Variants in AAAS observed in about 807,000 individuals in gnomAD.
The protein encoded by AAAS is aladin WD repeat nucleoporin.
A neutral mutation model predicts 75.6 loss-of-function variants in AAAS; 60 were observed. The observed-to-expected ratio is 0.79, with a 90% confidence interval of 0.64 to 0.98. The LOEUF is 0.98. Ranked by LOEUF, AAAS falls within the 50% of genes least tolerant of loss-of-function variation. The pLI is 0.00. For synonymous variants in AAAS, 271 were observed against 265.0 expected, an observed-to-expected ratio of 1.02 and a Z score of -0.22; for missense variants, 658 against 686.9, an observed-to-expected ratio of 0.96 and a Z score of 0.47.
intron 4 of AAAS, 42 bp from the exon 5 acceptor site, chr12:53,315,182 G>A (rs368641721): frequency 4.3e-6 from 7 of 1,611,756 alleles, no homozygotes. Context: ...GGGGCAAAAG[G>A]AGTCCATCTC....
chr12:53,316,897 T>C (rs1241266513), intron 2 of AAAS, among the ~76,000 whole-genome samples: 2 of 141,222 alleles, frequency 1.4e-5, no homozygotes, highest in Admixed American at 1.4e-4. Flanking sequence ...CTAGGCAACA[T>C]AGGGAAATGC....
intron 7 of AAAS, among the ~76,000 whole-genome samples, chr12:53,312,065 C>T (rs577947387): frequency 1.3e-5 from 2 of 152,206 alleles, no homozygotes; most frequent in East Asian, 3.9e-4. Flanking sequence ...TGGTGGCTCA[C>T]GCCTGTAATC....
chr12:53,308,010 G>T, intron 14 of AAAS, 42 bp downstream of exon 14: 1 of 1,613,112 alleles, frequency 6.2e-7, no homozygotes, highest in Non-Finnish European at 8.5e-7. Context: ...GTGCAGGAAG[G>T]CTGGTGAGAA....
chr12:53,307,814 C>G (rs1168900356), intron 15 of AAAS, 31 bp downstream of exon 15: 2 of 1,613,670 alleles, frequency 1.2e-6, no homozygotes, highest in South Asian at 1.1e-5. Flanking sequence ...CCATCCAACT[C>G]CTGGAAGCCC....
intron 2 of AAAS, among the ~76,000 whole-genome samples, chr12:53,317,639 G>A (rs1176589978): frequency 6.6e-6 from 1 of 152,004 alleles, no homozygotes; most frequent in African/African-American, 2.4e-5. Flanking sequence ...GCTACTCAGA[G>A]GCTGAGGCAG....
In AAAS at chr12:53,308,533, G is replaced by A. The variant is rs776450931; in HGVS notation, c.1088-5C>T. Reference sequence around the variant, plus strand: ...CAACGCACCCCTTTCCCTCACCTGTGGACAAATAAGAGCAGAGAGGTTCTT... The same window carrying A: ...CAACGCACCCCTTTCCCTCACCTGTAGACAAATAAGAGCAGAGAGGTTCTT... On this transcript the variant is annotated splice_region_variant and splice_polypyrimidine_tract_variant and intron_variant, in intron 11 of 15. Transcript: ENST00000209873. 12 of 1,614,052 alleles carry A rather than the reference G, an allele frequency of 7.4e-6. No individual in the cohort carries two copies. The highest frequency in any genetic ancestry group is 8.5e-6 in the Non-Finnish European group (10 of 1,180,028).
chr12:53,307,812 C>T (rs1270224288), intron 15 of AAAS, 33 bp downstream of exon 15: 27 of 1,613,628 alleles, frequency 1.7e-5, no homozygotes, highest in Non-Finnish European at 2.3e-5. Flanking sequence ...CTCCATCCAA[C>T]TCCTGGAAGC....
At chr12:53,318,231 TGTGTGTGTGTGTGC>T (rs1212835940) in intron 2 of AAAS, among the ~76,000 whole-genome samples, 20 of 129,938 alleles carry the variant, frequency 1.5e-4, no homozygotes, top group East Asian at 4.5e-4. Flanking sequence ...TCAGTGTGTG[TGTGTGTGTGTGTGC>T]GTGTGTGTGT....
chr12:53,321,298 T>TC, intron 1 of AAAS, 45 bp downstream of exon 1: 1 of 1,599,704 alleles, frequency 6.3e-7, no homozygotes, highest in Non-Finnish European at 8.5e-7. Context: ...AGTCCCCGAC[T>TC]CCGCCCCCAT....
At chr12:53,309,763 G>A (rs1454774696) in intron 7 of AAAS, 42 bp from the exon 8 acceptor site, 1 of 1,605,622 alleles carries the variant, frequency 6.2e-7, no homozygotes, top group Non-Finnish European at 8.5e-7. Flanking sequence ...AAGATGACAA[G>A]AAGCCATCCC....
chr12:53,311,785 G>A (rs1161206644), intron 7 of AAAS, among the ~76,000 whole-genome samples: 2 of 152,058 alleles, frequency 1.3e-5, no homozygotes, highest in Admixed American at 1.3e-4. Flanking sequence ...GTGGTGGCAC[G>A]CACCTGTAGT....
chr12:53,319,802 C>CAA (rs11339214), intron 2 of AAAS, among the ~76,000 whole-genome samples: 13 of 19,560 alleles, frequency 6.6e-4, no homozygotes, highest in African/African-American at 2.2e-3. Context: ...GACTCCGTCT[C>CAA]AAAAAAAAAA....
rs1369234001 is a variant in AAAS, at chr12:53,321,584, A to G, written c.-119T>C. ...ATGCGGACGGGTACCGCAAGGGACA[A>G]ACGGCGAGGCGGAACTCAACGGAAG... On this transcript the variant is annotated 5_prime_UTR_variant, in exon 1 of 16. Transcript: ENST00000209873. 19 of 1,554,192 alleles carry G rather than the reference A, an allele frequency of 1.2e-5. No individual in the cohort carries two copies. Among genetic ancestry groups the G allele is most frequent in the Admixed American group, 5.0e-5 (3 of 59,786 alleles).
intron 7 of AAAS, among the ~76,000 whole-genome samples, chr12:53,310,744 C>A (rs2121092783): frequency 6.6e-6 from 1 of 152,292 alleles, no homozygotes; most frequent in Admixed American, 6.5e-5. Context: ...CCACCTTCAG[C>A]TCCAGTGAAG....
rs772890213 is a variant in AAAS, at chr12:53,309,006, T to C, written c.950A>G (p.Gln317Arg). The C allele has an allele frequency of 1.2e-6, 2 of 1,614,198 alleles. No homozygotes were observed. The highest frequency in any genetic ancestry group is 1.7e-6 in the Non-Finnish European group (2 of 1,180,020). ...AGGCCACCTCTCACAAGTCCACATC[T>C]GGGCCTCCCAGACTCTGAGCCAGAG... ...PSAVFRVWEA[Q>R]MWTCERWPTL... The change falls in exon 10 of 16, where the codon CAG becomes CGG. Residue 317 changes from glutamine (Q) to arginine (R), a missense_variant. Physicochemically the swap from Gln to Arg is conservative, Grantham distance 43. Coordinates refer to ENST00000209873, the MANE Select transcript of AAAS (RefSeq NM_015665.6).
Position 53,315,371 on chromosome 12 carries a change from G to A in AAAS, c.363C>T (p.Ala121=), listed in dbSNP as rs1944446187. The A allele has an allele frequency of 6.2e-7, 1 of 1,614,144 alleles. No individual in the cohort carries two copies. ...GGAACAGGGACCCATGGAGGGAAGA[G>A]GCCCATCGACAGAGTGCCAGGGCCC... ...SGWALALCRW[A]SSLHGSLFPH... The change falls in exon 4 of 16, where the codon GCC becomes GCT. Residue 121 remains alanine, a synonymous_variant. Coordinates refer to ENST00000209873, the MANE Select transcript of AAAS (RefSeq NM_015665.6).
chr12:53,314,184 C>T, intron 7 of AAAS, 114 bp downstream of exon 7: 1 of 1,453,242 alleles, frequency 6.9e-7, no homozygotes. Flanking sequence ...TTTCCCATAG[C>T]CCTGGGAAGT....
chr12:53,308,552 G>C (rs1372847567), intron 11 of AAAS, 24 bp from the exon 12 acceptor site: 2 of 1,613,760 alleles, frequency 1.2e-6, no homozygotes, highest in Admixed American at 3.3e-5. Flanking sequence ...AGAGCAGAGA[G>C]GTTCTTGCAA....
chr12:53,314,371 C>A lies in AAAS; in HGVS notation c.616G>T (p.Ala206Ser). The A allele has an allele frequency of 6.2e-7, 1 of 1,614,110 alleles. No individual in the cohort carries two copies. Among genetic ancestry groups the A allele is most frequent in the Non-Finnish European group, 8.5e-7 (1 of 1,180,014 alleles). Residue 206 changes from alanine to serine, a missense_variant, in exon 7 of 16, where the codon GCC becomes TCC. By Grantham distance (99) the Ala-to-Ser change is moderately conservative. Coordinates refer to ENST00000209873, the MANE Select transcript of AAAS (RefSeq NM_015665.6). ...VASLAWKPLSASVLAVACQSC... is the reference protein window; with the variant it reads ...VASLAWKPLSSSVLAVACQSC... The stretch of plus-strand genomic sequence containing the variant: ...TGGCAGGCCACAGCCAAGACAGAGG[C>A]ACTAAGGGGCTTCCAGGCCAGAGAC...
Sources: gnomAD v4.1 joint callset for allele counts (sites outside exome capture counted in the v4.1 genomes callset) on GRCh38, gnomAD v4.1.1 for gene constraint, MANE v1.5 for transcripts, NCBI Gene and HGNC (gene_info 2026-07-23, HGNC 2026-07-21) for gene names.